Variants in MTMR3 observed in about 807,000 individuals in gnomAD.
The protein encoded by MTMR3 is phosphatidylinositol-3,5-bisphosphate 3-phosphatase MTMR3.
In MTMR3, 32 loss-of-function variants were observed where a neutral mutation model predicts 132.4. The ratio of observed to expected loss-of-function variants is 0.24; its 90% CI spans 0.18 to 0.32. The LOEUF is 0.32. Among genes scored for constraint, MTMR3 ranks in the 10% least tolerant of loss-of-function variants. The pLI is 1.00. For missense variants in MTMR3, 1,216 were observed against 1,489.6 expected (o/e 0.82, Z 3.02); for synonymous variants, 556 against 550.3 (o/e 1.01, Z -0.14).
chr22:29,962,585 C>G (rs765497267), intron 2 of MTMR3, among the ~76,000 whole-genome samples: 2 of 152,032 alleles, frequency 1.3e-5, no homozygotes, highest in Non-Finnish European at 2.9e-5. Context: ...GCAGGAAGAT[C>G]GCTGGAGCCC....
chr22:29,943,580 A>G (rs947533319), intron 1 of MTMR3, among the ~76,000 whole-genome samples: 5 of 152,062 alleles, frequency 3.3e-5, no homozygotes, highest in Non-Finnish European at 7.4e-5. Flanking sequence ...GTTTTTGGAG[A>G]AGGTGTGTTG....
chr22:29,986,318 T>C (rs561219089), intron 5 of MTMR3: 1 of 152,736 alleles, frequency 6.5e-6, no homozygotes, highest in African/African-American at 2.4e-5. Flanking sequence ...CAGCCACATT[T>C]TGGGGGGATA....
chr22:30,025,310 C>A (rs948566105), intron 19 of MTMR3: 9 of 356,122 alleles, frequency 2.5e-5, no homozygotes, highest in Non-Finnish European at 4.3e-5. Flanking sequence ...TGGATCAGGA[C>A]TAACCCATTG....
intron 1 of MTMR3, among the ~76,000 whole-genome samples, chr22:29,905,295 A>G (rs1386931893): frequency 6.6e-6 from 1 of 152,142 alleles, no homozygotes; most frequent in Non-Finnish European, 1.5e-5. Flanking sequence ...CATCCCGAGA[A>G]TACTTTTTCC....
intron 17 of MTMR3, chr22:30,021,769 A>G: frequency 2.3e-6 from 1 of 441,256 alleles, no homozygotes. Flanking sequence ...CTTCCCTCTC[A>G]CTCACTTTCT....
chr22:29,963,276 T>G (rs1001021967), intron 2 of MTMR3, among the ~76,000 whole-genome samples: 1 of 151,874 alleles, frequency 6.6e-6, no homozygotes, highest in South Asian at 2.1e-4. Context: ...AGAGGTGGGG[T>G]TTCACCATAT....
chr22:30,025,596 A>G lies in MTMR3; in HGVS notation c.3426-34A>G, dbSNP rs747447898. 16 of 1,612,586 alleles carry G rather than the reference A, an allele frequency of 9.9e-6. No homozygotes were observed. The East Asian group carries it at 3.6e-4, about 36-fold the overall frequency. ...TTTCCCTCCGCATACCTGCTGGCCA[A>G]AACTAACATTGTTCTGTTTCTTCTC... On this transcript the variant is annotated intron_variant, in intron 19 of 19. Transcript: ENST00000401950.
At chr22:30,022,574 C>T (rs765992692) in intron 18 of MTMR3, 35 bp from the exon 19 acceptor site, 1 of 1,587,094 alleles carries the variant, frequency 6.3e-7, no homozygotes, top group Admixed American at 1.7e-5. Context: ...GATGGCCCAT[C>T]TCCTGTCAGT....
intron 2 of MTMR3, among the ~76,000 whole-genome samples, chr22:29,961,281 G>T (rs2066306551): frequency 6.6e-6 from 1 of 152,048 alleles, no homozygotes. Flanking sequence ...AAGGGTGGTT[G>T]TTGCGGCTTT....
intron 2 of MTMR3, among the ~76,000 whole-genome samples, chr22:29,966,827 A>G (rs2066430449): frequency 6.6e-6 from 1 of 151,438 alleles, no homozygotes; most frequent in Admixed American, 6.6e-5. Flanking sequence ...TCATATTTAA[A>G]CATCCTGAAA....
chr22:29,938,207 A>G (rs1237302112), intron 1 of MTMR3, among the ~76,000 whole-genome samples: 1 of 152,192 alleles, frequency 6.6e-6, no homozygotes, highest in Non-Finnish European at 1.5e-5. Context: ...CAGTTCTGAG[A>G]AATCGTAACT....
rs113063062 is a variant in MTMR3, at chr22:29,929,056, G to T, written c.-137-27980G>T. Reference sequence around the variant, plus strand: ...GCACTTTGGGAGGCCAAGATAGGTGGATCACCTGAGGTCAGGAGTTCAAGA... The same window carrying T: ...GCACTTTGGGAGGCCAAGATAGGTGTATCACCTGAGGTCAGGAGTTCAAGA... On this transcript the variant is annotated intron_variant, in intron 1 of 19. Coordinates refer to ENST00000401950, the MANE Select transcript of MTMR3 (RefSeq NM_021090.4). 5.3e-3 allele frequency among the ~76,000 whole-genome samples: 807 copies of T among 152,188 alleles called. 6 individuals carry two copies. Among genetic ancestry groups the T allele is most frequent in the African/African-American group, 0.018 (753 of 41,540 alleles).
chr22:30,023,391 C>T, intron 19 of MTMR3: 1 of 1,554,760 alleles, frequency 6.4e-7, no homozygotes, highest in Admixed American at 1.7e-5. Flanking sequence ...ATCTCCCCAC[C>T]CTGCACCCCA....
intron 1 of MTMR3, among the ~76,000 whole-genome samples, chr22:29,939,959 G>A (rs1437764587): frequency 6.6e-6 from 1 of 152,130 alleles, no homozygotes; most frequent in East Asian, 1.9e-4. Context: ...CCGCCCTTGC[G>A]ATCATGTACT....
At chr22:29,963,536 T>C (rs1383304641) in intron 2 of MTMR3, among the ~76,000 whole-genome samples, 1 of 151,860 alleles carries the variant, frequency 6.6e-6, no homozygotes, top group African/African-American at 2.4e-5. Context: ...ACTATAGGCA[T>C]GCACTGCCAT....
At chr22:29,958,487 C>T (rs1472521029) in intron 2 of MTMR3, among the ~76,000 whole-genome samples, 3 of 152,110 alleles carry the variant, frequency 2.0e-5, no homozygotes, top group Admixed American at 1.3e-4. Flanking sequence ...GTAGCCACAC[C>T]GACCTACCTC....
intron 7 of MTMR3, chr22:29,994,550 C>G (rs918055133): frequency 1.3e-5 from 2 of 152,104 alleles, no homozygotes; most frequent in Non-Finnish European, 2.9e-5. Context: ...TAGGATGAGA[C>G]AACACTTGGG....
At chr22:29,962,428 A>G (rs1224955052) in intron 2 of MTMR3, among the ~76,000 whole-genome samples, 1 of 152,060 alleles carries the variant, frequency 6.6e-6, no homozygotes, top group East Asian at 1.9e-4. Context: ...GCAGTTTGGG[A>G]GGCCAAGGTG....
intron 1 of MTMR3, among the ~76,000 whole-genome samples, chr22:29,937,419 A>AT (rs5844882): frequency 0.66 from 95,650 of 144,258 alleles, 31,863 homozygotes; most frequent in East Asian, 0.83. Context: ...AACTTTGCAG[A>AT]TTTTTTTTTT....
Sources: allele counts gnomAD v4.1 joint callset (sites outside exome capture counted in the v4.1 genomes callset), GRCh38; gene constraint gnomAD v4.1.1; transcripts MANE v1.5; gene names NCBI Gene and HGNC (gene_info 2026-07-23, HGNC 2026-07-21).